TTC19: variants seen among roughly 807,000 people sequenced by gnomAD.
TTC19 encodes the protein tetratricopeptide repeat protein 19, mitochondrial.
TTC19 carries 38 observed loss-of-function variants against 49.5 expected under a neutral mutation model. The observed-to-expected ratio is 0.77, with a 90% CI of 0.59 to 1.01. The LOEUF (loss-of-function observed/expected upper bound fraction) is 1.01. Ranked by LOEUF, TTC19 falls within the 50% of genes least tolerant of loss-of-function variation. The pLI is 0.00. For synonymous variants in TTC19, 204 were observed against 185.2 expected (o/e 1.10, Z -0.83); for missense variants, 475 against 477.7 (o/e 0.99, Z 0.05).
rs751449402 is a variant in TTC19, at chr17:16,000,048, C to CGGGACAG, written c.184+19_184+20insACAGGGG. ...CTGCTGGCAGGTGAGGGGCGCGGGC[C>CGGGACAG]GGGCGGGGCCGGCCGGGCGGGGACA... On this transcript the variant is annotated intron_variant, in intron 1 of 9. Coordinates refer to ENST00000261647, the MANE Select transcript of TTC19 (RefSeq NM_017775.4). The CGGGACAG allele has an allele frequency of 1.6e-6, 2 of 1,266,658 alleles. No homozygotes were observed. The highest frequency in any genetic ancestry group is 5.0e-5 in the South Asian group (2 of 40,318). The allele number at this position is 1,266,658 out of a possible 1,614,324, so 78.5% of individuals were successfully genotyped here. A position where few individuals can be genotyped will look rare whatever the true frequency, so the allele number is the denominator to read the frequency against.
chr17:16,026,813 A>G (rs1971577212), intron 9 of TTC19, 111 bp downstream of exon 9: 2 of 1,116,246 alleles, frequency 1.8e-6, no homozygotes, highest in Non-Finnish European at 2.7e-6. Flanking sequence ...ATAAACATGT[A>G]AATTAAAAGA....
intron 8 of TTC19, among the ~76,000 whole-genome samples, chr17:16,025,689 C>A (rs62073587): frequency 0.35 from 52,673 of 152,062 alleles, 11,681 homozygotes; most frequent in Middle Eastern, 0.51. Context: ...GAATTGAAAT[C>A]ATCTCTTTGG....
chr17:16,034,107 G>GTACATTCA (rs1351237416), downstream of TTC19, among the ~76,000 whole-genome samples: 1 of 149,100 alleles, frequency 6.7e-6, no homozygotes, highest in African/African-American at 2.6e-5. Context: ...TCTTAGAAGT[G>GTACATTCA]GCATGGGTAC....
chr17:16,028,976 C>G lies in TTC19; in HGVS notation c.*1454C>G, dbSNP rs1260172605. 2.3e-6 allele frequency: 1 copy of G among 426,688 alleles called. No homozygotes were observed. Among genetic ancestry groups the G allele is most frequent in the Non-Finnish European group, 4.6e-6 (1 of 218,842 alleles). 26.4% of individuals were successfully genotyped at this position (426,688 alleles called of 1,614,324 possible). A position where few individuals can be genotyped will look rare whatever the true frequency, so the allele number is the denominator to read the frequency against. On this transcript the variant is annotated 3_prime_UTR_variant, in exon 10 of 10. Coordinates refer to ENST00000261647, the MANE Select transcript of TTC19 (RefSeq NM_017775.4). ...TTCTGTCTAATCTCATATTATTTAC[C>G]ATGCAGCTAATGCCGTTTACCAAGT... is the stretch of plus-strand genomic sequence containing the variant.
At chr17:16,026,900 C>G (rs1971579995) in intron 9 of TTC19, 198 bp downstream of exon 9, 1 of 651,556 alleles carries the variant, frequency 1.5e-6, no homozygotes, top group Non-Finnish European at 2.7e-6. Flanking sequence ...CTTCTACAGA[C>G]CTGCACTAGC....
At chr17:16,001,740 C>G (rs1970740898) in intron 2 of TTC19, among the ~76,000 whole-genome samples, 175 bp from the exon 3 acceptor site, 1 of 152,196 alleles carries the variant, frequency 6.6e-6, no homozygotes, top group African/African-American at 2.4e-5. Context: ...GGGAGGCTGA[C>G]CTCCCTGTCA....
chr17:16,002,656 G>A, intron 3 of TTC19, 137 bp from the exon 4 acceptor site: 1 of 786,980 alleles, frequency 1.3e-6, no homozygotes, highest in Non-Finnish European at 2.2e-6. Flanking sequence ...TCTTCTTGCA[G>A]ATTAATTGGT....
At chr17:16,032,097 G>C (rs2151748717), downstream of TTC19, 2 of 546,104 alleles carry the variant, frequency 3.7e-6, no homozygotes, top group Non-Finnish European at 6.2e-6. Flanking sequence ...CTGTATCAAA[G>C]GCAGTTTTTT....
chr17:16,007,629 TAACTG>T (rs1970950550), intron 7 of TTC19, among the ~76,000 whole-genome samples: 1 of 152,184 alleles, frequency 6.6e-6, no homozygotes. Context: ...GTTGATCTGA[TAACTG>T]AGACTGCTGC....
intron 7 of TTC19, among the ~76,000 whole-genome samples, chr17:16,013,350 G>T (rs1329038959): frequency 6.6e-6 from 1 of 152,114 alleles, no homozygotes; most frequent in African/African-American, 2.4e-5. Flanking sequence ...CTGAGTAGCT[G>T]TTCTGTGCCA....
At chr17:16,039,793 G>T in intron 2 of TTC19, 1 of 745,398 alleles carries the variant, frequency 1.3e-6, no homozygotes, top group Non-Finnish European at 2.2e-6. Flanking sequence ...ACCACACAGA[G>T]ACCTTTTTTT....
intron 7 of TTC19, among the ~76,000 whole-genome samples, chr17:16,017,104 C>A (rs1971238490): frequency 6.6e-6 from 1 of 152,274 alleles, no homozygotes; most frequent in African/African-American, 2.4e-5. Flanking sequence ...GAAAATGATT[C>A]CTTTTTCCCT....
rs888802779 is a variant in TTC19, at chr17:16,026,917, A to G, written c.994+215A>G. 8 of 625,626 alleles carry G rather than the reference A, an allele frequency of 1.3e-5. No homozygotes were observed. The South Asian group carries it at 1.3e-4, about 10-fold the overall frequency. The allele number at this position is 625,626 out of a possible 1,614,324, so 38.8% of individuals were successfully genotyped here. A position where few individuals can be genotyped will look rare whatever the true frequency, so the allele number is the denominator to read the frequency against. ...TCTACAGACCTGCACTAGCCTGTCG[A>G]ACCCCATCAAGCTGGAGAAAACCTT... On this transcript the variant is annotated intron_variant, in intron 9 of 9. Coordinates refer to ENST00000261647, the MANE Select transcript of TTC19 (RefSeq NM_017775.4).
chr17:16,012,405 G>C (rs12941938), intron 7 of TTC19, among the ~76,000 whole-genome samples: 1 of 152,056 alleles, frequency 6.6e-6, no homozygotes, highest in Non-Finnish European at 1.5e-5. Flanking sequence ...TTGAGCCTGG[G>C]AGGTGGAGGT....
At chr17:16,003,476 T>C (rs1970803353) in intron 4 of TTC19, among the ~76,000 whole-genome samples, 1 of 151,996 alleles carries the variant, frequency 6.6e-6, no homozygotes, top group Non-Finnish European at 1.5e-5. Flanking sequence ...GATTTCACCA[T>C]ATTTCCCAGG....
rs1971615316 is a variant in TTC19 at position 16,027,599 on chromosome 17, T to G, written c.*77T>G. 1 of 1,539,836 alleles carries G rather than the reference T, an allele frequency of 6.5e-7. No homozygotes were observed. The highest frequency in any genetic ancestry group is 1.7e-5 in the Admixed American group (1 of 59,494). ...TCATTCCTGTCTCTGTGGCACCCGA[T>G]CAATGGCTTAAATCTGTCGTTTTTG... On this transcript the variant is annotated 3_prime_UTR_variant, in exon 10 of 10. Transcript: ENST00000261647.
chr17:16,021,783 G>C (rs1971392556), intron 7 of TTC19, among the ~76,000 whole-genome samples: 1 of 152,142 alleles, frequency 6.6e-6, no homozygotes, highest in Non-Finnish European at 1.5e-5. Context: ...TTTACTGTCT[G>C]CTGATTCTCA....
exon 3 of TTC19, chr17:16,044,567 C>T (rs752696998): frequency 1.9e-6 from 1 of 517,406 alleles, no homozygotes; most frequent in South Asian, 1.5e-5. Flanking sequence ...GCCCTCACTT[C>T]ATCCGGCAAC....
intron 7 of TTC19, among the ~76,000 whole-genome samples, chr17:16,016,994 G>A (rs769147654): frequency 6.6e-6 from 1 of 152,070 alleles, no homozygotes; most frequent in African/African-American, 2.4e-5. Context: ...ATGCCCGGCC[G>A]ATAAATTTTT....
Sources: allele counts gnomAD v4.1 joint callset (sites outside exome capture counted in the v4.1 genomes callset), GRCh38; gene constraint gnomAD v4.1.1; transcripts MANE v1.5; gene names NCBI Gene and HGNC (gene_info 2026-07-23, HGNC 2026-07-21).